Variants in PIWIL1 observed in about 807,000 individuals in gnomAD.
PIWIL1 encodes the protein piwi-like protein 1.
In PIWIL1, 73 loss-of-function variants were observed where a neutral mutation model predicts 114.4. That is an observed-to-expected ratio of 0.64 (90% CI 0.53 to 0.78). The LOEUF is 0.78. Ranked by LOEUF, PIWIL1 falls within the 30% of genes least tolerant of loss-of-function variation. The probability of loss-of-function intolerance (pLI) is 0.00; values close to 1 mark genes in which losing one functional copy is unlikely to be tolerated. For missense variants in PIWIL1, 723 were observed against 1,063.1 expected, an observed-to-expected ratio of 0.68 and a Z score of 4.45; for synonymous variants, 375 against 369.0, an observed-to-expected ratio of 1.02 and a Z score of -0.19.
At chr12:130,344,729 T>C (rs2073023073) in intron 3 of PIWIL1, among the ~76,000 whole-genome samples, 1 of 152,186 alleles carries the variant, frequency 6.6e-6, no homozygotes, top group Admixed American at 6.5e-5. Flanking sequence ...GAGCCCTCCC[T>C]GCCAGATCCA....
At chr12:130,344,941 G>T (rs2073031585) in intron 3 of PIWIL1, among the ~76,000 whole-genome samples, 1 of 152,218 alleles carries the variant, frequency 6.6e-6, no homozygotes, top group Non-Finnish European at 1.5e-5. Context: ...TTTAAAGAAT[G>T]AGGGGTTAGT....
At chr12:130,340,110 C>G (rs1407203932) in intron 1 of PIWIL1, among the ~76,000 whole-genome samples, 1 of 152,106 alleles carries the variant, frequency 6.6e-6, no homozygotes, top group Non-Finnish European at 1.5e-5. Context: ...GCCGGGGAAA[C>G]GGCTTTCGGA....
intron 3 of PIWIL1, 35 bp from the exon 4 acceptor site, chr12:130,345,718 C>T: frequency 6.2e-7 from 1 of 1,611,716 alleles, no homozygotes; most frequent in South Asian, 1.1e-5. Context: ...TTATTTCGTG[C>T]TTTATGTTGC....
the PIWIL1 span, among the ~76,000 whole-genome samples, chr12:130,378,657 T>C: frequency 6.6e-6 from 1 of 152,242 alleles, no homozygotes; most frequent in Admixed American, 6.5e-5. Context: ...TTTAGTCATC[T>C]TGTGGGTATG....
chr12:130,347,270 T>C (rs992197253), intron 6 of PIWIL1, among the ~76,000 whole-genome samples: 3 of 152,216 alleles, frequency 2.0e-5, no homozygotes, highest in Admixed American at 6.5e-5. Context: ...TCCCTAATTC[T>C]GTTGACTTCA....
chr12:130,413,973 G>A, the PIWIL1 span: 114 of 830,618 alleles, frequency 1.4e-4, 1 homozygote, highest in African/African-American at 2.7e-4. Context: ...GGCCCTTGCC[G>A]TCACAGCACC....
At chr12:130,340,618 T>TTGG (rs1461856982) in intron 1 of PIWIL1, among the ~76,000 whole-genome samples, 3 of 45,046 alleles carry the variant, frequency 6.7e-5, no homozygotes, top group Non-Finnish European at 1.1e-4. Flanking sequence ...GGCGTGGGGG[T>TTGG]TGGTGGTGGT....
Position 130,371,336 on chromosome 12 carries a change from A to G in PIWIL1, c.2469+13A>G, listed in dbSNP as rs529399939. ...TTACAACTGGCCAGTAAGTGCTTCT[A>G]CTTGTTGATGTTTAGCAAATAAAGG... On this transcript the variant is annotated intron_variant, in intron 20 of 20. Coordinates refer to ENST00000245255, the MANE Select transcript of PIWIL1 (RefSeq NM_004764.5). 25 of 1,614,020 alleles carry G rather than the reference A, an allele frequency of 1.5e-5. No homozygotes were observed. Among genetic ancestry groups the G allele is most frequent in the South Asian group, 5.5e-5 (5 of 90,984 alleles).
At chr12:130,423,278 C>A in the PIWIL1 span, among the ~76,000 whole-genome samples, 15 of 152,268 alleles carry the variant, frequency 9.9e-5, no homozygotes, top group East Asian at 2.7e-3. Flanking sequence ...GGGGATGAGG[C>A]GTGTCTGCTG....
At chr12:130,340,489 T>A (rs77229292) in intron 1 of PIWIL1, among the ~76,000 whole-genome samples, 25,402 of 151,678 alleles carry the variant, frequency 0.17, 3,347 homozygotes, top group African/African-American at 0.37. Flanking sequence ...AGTAGGGTTC[T>A]CACTCCTAGG....
the PIWIL1 span, among the ~76,000 whole-genome samples, chr12:130,385,279 T>C: frequency 6.6e-6 from 1 of 152,274 alleles, no homozygotes; most frequent in Non-Finnish European, 1.5e-5. Flanking sequence ...TAAAGTGTTT[T>C]GTGTAATTCA....
intron 10 of PIWIL1, 85 bp from the exon 11 acceptor site, chr12:130,354,802 TC>T: frequency 7.2e-7 from 1 of 1,391,912 alleles, no homozygotes; most frequent in Non-Finnish European, 9.9e-7. Context: ...TCCTGGGAAT[TC>T]CCACTCACCA....
At chr12:130,417,983 A>G in the PIWIL1 span, among the ~76,000 whole-genome samples, 2 of 152,172 alleles carry the variant, frequency 1.3e-5, no homozygotes, top group African/African-American at 4.8e-5. Flanking sequence ...CAGCATTGGG[A>G]GAAGCAGCCC....
At chr12:130,392,221 A>G in the PIWIL1 span, among the ~76,000 whole-genome samples, 1 of 122,920 alleles carries the variant, frequency 8.1e-6, no homozygotes, top group African/African-American at 3.0e-5. Flanking sequence ...TACCCAGTGA[A>G]TATTGAACGT....
the PIWIL1 span, chr12:130,406,023 T>C: frequency 1.6e-6 from 1 of 618,060 alleles, no homozygotes; most frequent in Non-Finnish European, 2.9e-6. Context: ...AGCAAAGTTC[T>C]ATAACTCAGC....
At chr12:130,399,657 A>G in the PIWIL1 span, 161,216 of 1,612,772 alleles carry the variant, frequency 0.1, 9,442 homozygotes, top group South Asian at 0.21. Flanking sequence ...AGAGATTAAA[A>G]AGGCTAAATA....
chr12:130,409,429 G>A, the PIWIL1 span, among the ~76,000 whole-genome samples: 5 of 126,318 alleles, frequency 4.0e-5, no homozygotes, highest in African/African-American at 1.2e-4. Context: ...TGCAAGCTCC[G>A]CCTCCCGGGT....
At chr12:130,406,388 T>C in the PIWIL1 span, 1 of 601,290 alleles carries the variant, frequency 1.7e-6, no homozygotes. Flanking sequence ...TAGAAGCTAA[T>C]GAATGGCTCT....
At chr12:130,395,013 CA>C in the PIWIL1 span, among the ~76,000 whole-genome samples, 2 of 152,100 alleles carry the variant, frequency 1.3e-5, no homozygotes, top group South Asian at 4.2e-4. Context: ...TTTTATTTGG[CA>C]GGGGAGGGGG....
Sources: allele counts gnomAD v4.1 joint callset (sites outside exome capture counted in the v4.1 genomes callset), GRCh38; gene constraint gnomAD v4.1.1; transcripts MANE v1.5; gene names NCBI Gene and HGNC (gene_info 2026-07-23, HGNC 2026-07-21).